The following PCDHA6 variants were observed in gnomAD, a reference collection of about 807,000 sequenced individuals.
PCDHA6 encodes the protein protocadherin alpha-6.
PCDHA6 carries 55 observed loss-of-function variants against 60.3 expected under a neutral mutation model. The observed-to-expected ratio is 0.91, with a 90% CI of 0.73 to 1.14. PCDHA6 has a LOEUF of 1.14. PCDHA6 is among the 50% of genes most tolerant of loss of function. The pLI is 0.00. For missense variants in PCDHA6, 1,327 were observed against 1,256.5 expected (o/e 1.06, Z -0.85); for synonymous variants, 652 against 557.9 (o/e 1.17, Z -2.38).
rs145195613 is a variant in PCDHA6, at chr5:140,845,173, T to C, written c.2394+14688T>C. Among the ~76,000 whole-genome samples, 10 of 149,788 alleles carry C rather than the reference T, an allele frequency of 6.7e-5. No individual in the cohort carries two copies. The East Asian group carries it at 1.7e-3, about 26-fold the overall frequency. On this transcript the variant is annotated intron_variant, in intron 1 of 3. Transcript: ENST00000529310. ...GTGTAAAAGCGAATTGTTTTCATTTTAGTCCTTTAAAAAATATGATTGTTT... is the reference window on the plus strand; with the variant it reads ...GTGTAAAAGCGAATTGTTTTCATTTCAGTCCTTTAAAAAATATGATTGTTT...
At chr5:140,851,249 A>G in intron 1 of PCDHA6, 1 of 1,094,194 alleles carries the variant, frequency 9.1e-7, no homozygotes, top group Non-Finnish European at 1.2e-6. Context: ...TAAATGATGC[A>G]TAGTATTTTA....
In PCDHA6 at chr5:140,829,777, G is replaced by A. The variant is rs2150174439; in HGVS notation, c.1686G>A (p.Ala562=). The A allele has an allele frequency of 1.2e-6, 2 of 1,613,742 alleles. No homozygotes were observed. Among genetic ancestry groups the A allele is most frequent in the Non-Finnish European group, 8.5e-7 (1 of 1,179,850 alleles). The stretch of plus-strand genomic sequence containing the variant: ...TCGTGCTGGACGAGAACGACAACGC[G>A]CCGGCGCTGCTGGCGCCTCGGGTGG... ...QVFVLDENDN[A]PALLAPRVGG... is the part of the protein sequence containing the mutation. The change falls in exon 1 of 4, where the codon GCG becomes GCA. Residue 562 remains alanine, a synonymous_variant. Transcript: ENST00000529310.
chr5:140,929,164 G>A (rs1554206780), intron 1 of PCDHA6: 10 of 1,614,150 alleles, frequency 6.2e-6, no homozygotes, highest in East Asian at 2.2e-5. Context: ...TCTCTATCGG[G>A]CCTCTCTGGG....
intron 1 of PCDHA6, chr5:140,857,591 A>C: frequency 6.3e-7 from 1 of 1,596,270 alleles, no homozygotes; most frequent in Non-Finnish European, 8.6e-7. Flanking sequence ...GGAGAGCGGC[A>C]AGGTGTACGC....
At chr5:140,877,511 C>G in intron 1 of PCDHA6, 1 of 1,613,808 alleles carries the variant, frequency 6.2e-7, no homozygotes, top group South Asian at 1.1e-5. Context: ...AAGACGTCGT[C>G]GCGGGCCTCA....
chr5:141,009,852 A>G lies in PCDHA6; in HGVS notation c.2768A>G (p.Lys923Arg), dbSNP rs1554262492. The G allele has an allele frequency of 6.2e-7, 1 of 1,614,074 alleles. No homozygotes were observed. Among genetic ancestry groups the G allele is most frequent in the East Asian group, 2.2e-5 (1 of 44,874 alleles). ...FITFGKKEET[K>R]KKKKKKKGNK... ...ACCTTCGGCAAAAAGGAGGAGACCA[A>G]GAAAAAGAAGAAAAAGAAGAAGGGT... Residue 923 changes from lysine (K) to arginine (R), a missense_variant, in exon 4 of 4, where the codon AAG becomes AGG. Physicochemically the swap from Lys to Arg is conservative, Grantham distance 26. Coordinates refer to ENST00000529310, the MANE Select transcript of PCDHA6 (RefSeq NM_018909.4).
At chr5:140,983,461 A>G (rs1291305158) in intron 3 of PCDHA6, among the ~76,000 whole-genome samples, 1 of 152,238 alleles carries the variant, frequency 6.6e-6, no homozygotes, top group Non-Finnish European at 1.5e-5. Flanking sequence ...TTAATAGAAC[A>G]TCATGATGAT....
At chr5:140,838,280 A>T (rs1252322835) in intron 1 of PCDHA6, among the ~76,000 whole-genome samples, 4 of 139,572 alleles carry the variant, frequency 2.9e-5, no homozygotes, top group Non-Finnish European at 4.6e-5. Flanking sequence ...AGCCATGCTA[A>T]TTTTTTTTTT....
intron 1 of PCDHA6, chr5:140,835,707 T>C: frequency 6.2e-7 from 1 of 1,613,858 alleles, no homozygotes; most frequent in Non-Finnish European, 8.5e-7. Context: ...TGCTAGCGTG[T>C]CCGTGGAGGT....
At chr5:140,862,635 C>G in intron 1 of PCDHA6, 1 of 538,778 alleles carries the variant, frequency 1.9e-6, no homozygotes, top group Non-Finnish European at 3.8e-6. Context: ...GCTGCCACGA[C>G]TTCACAGTGT....
chr5:140,843,626 C>T, intron 1 of PCDHA6: 1 of 1,596,058 alleles, frequency 6.3e-7, no homozygotes, highest in East Asian at 2.2e-5. Context: ...GAAGACGGAC[C>T]TCATGGCCTT....
At chr5:140,834,327 T>A (rs1181484753) in intron 1 of PCDHA6, 1 of 1,451,888 alleles carries the variant, frequency 6.9e-7, no homozygotes, top group Non-Finnish European at 9.4e-7. Flanking sequence ...GATAAAAACA[T>A]TCCTATAAAT....
intron 1 of PCDHA6, among the ~76,000 whole-genome samples, chr5:140,972,015 G>A (rs782728118): frequency 2.6e-5 from 4 of 152,004 alleles, no homozygotes; most frequent in Admixed American, 6.5e-5. Context: ...CCTTTTATAT[G>A]GGATATTCAG....
intron 1 of PCDHA6, chr5:140,849,676 C>G (rs2150444871): frequency 1.3e-6 from 2 of 1,598,588 alleles, no homozygotes; most frequent in African/African-American, 2.7e-5. Context: ...CCCCACGTCC[C>G]CTTCAAGCTG....
chr5:140,887,801 G>T (rs1377550372), intron 1 of PCDHA6, among the ~76,000 whole-genome samples: 1 of 151,856 alleles, frequency 6.6e-6, no homozygotes, highest in Non-Finnish European at 1.5e-5. Context: ...CTTTATTTTT[G>T]TCCATTTCTT....
chr5:140,951,196 T>A (rs1438872650), intron 1 of PCDHA6, among the ~76,000 whole-genome samples: 1 of 152,190 alleles, frequency 6.6e-6, no homozygotes, highest in African/African-American at 2.4e-5. Context: ...AATTCCCACA[T>A]CTGTGTCATC....
intron 1 of PCDHA6, among the ~76,000 whole-genome samples, chr5:140,972,168 G>T (rs969968770): frequency 2.6e-5 from 4 of 152,064 alleles, no homozygotes; most frequent in African/African-American, 9.7e-5. Context: ...TTGAGACAGA[G>T]TCTTGGCCTG....
At chr5:140,839,135 A>C (rs1378372841) in intron 1 of PCDHA6, among the ~76,000 whole-genome samples, 3 of 148,212 alleles carry the variant, frequency 2.0e-5, no homozygotes, top group African/African-American at 5.1e-5. Flanking sequence ...CATTCACATA[A>C]GCAGACCAAG....
chr5:140,978,758 C>A (rs925464508), intron 1 of PCDHA6, among the ~76,000 whole-genome samples, 191 bp from the exon 2 acceptor site: 6 of 152,148 alleles, frequency 3.9e-5, no homozygotes, highest in African/African-American at 1.4e-4. Context: ...TGTGTGAGGA[C>A]CCTGATGAAC....
Sources: allele counts gnomAD v4.1 joint callset (sites outside exome capture counted in the v4.1 genomes callset), GRCh38; gene constraint gnomAD v4.1.1; transcripts MANE v1.5; gene names NCBI Gene and HGNC (gene_info 2026-07-23, HGNC 2026-07-21).